Variants in ARSG observed in about 807,000 individuals in gnomAD.
ARSG encodes the protein arylsulfatase G.
ARSG carries 37 observed loss-of-function variants against 50.5 expected under a neutral mutation model. The observed-to-expected ratio is 0.73, with a 90% CI of 0.56 to 0.96. ARSG has a LOEUF of 0.96. ARSG is among the 50% of genes least tolerant of loss of function. ARSG has a pLI of 0.00. For synonymous variants in ARSG, 225 were observed against 254.6 expected (o/e 0.88, Z 1.11); for missense variants, 629 against 675.3 (o/e 0.93, Z 0.76).
chr17:68,424,314 G>A, downstream of ARSG: 1 of 432,318 alleles, frequency 2.3e-6, no homozygotes, highest in Non-Finnish European at 4.7e-6. Flanking sequence ...AGCCGATGTG[G>A]GAAATCACAA....
At chr17:68,386,395 T>C (rs960515466) in intron 9 of ARSG, among the ~76,000 whole-genome samples, 1 of 152,186 alleles carries the variant, frequency 6.6e-6, no homozygotes, top group Non-Finnish European at 1.5e-5. Flanking sequence ...GCAAGCTTCA[T>C]TGGCACCCTC....
At chr17:68,417,539 GC>G (rs948045322) in intron 11 of ARSG, among the ~76,000 whole-genome samples, 2 of 151,802 alleles carry the variant, frequency 1.3e-5, no homozygotes, top group Non-Finnish European at 2.9e-5. Context: ...TCCACACTGA[GC>G]CTCCAGCAAT....
chr17:68,357,904 AACT>A (rs2079105980), intron 6 of ARSG, among the ~76,000 whole-genome samples: 1 of 152,144 alleles, frequency 6.6e-6, no homozygotes, highest in South Asian at 2.1e-4. Flanking sequence ...AAATATTAGA[AACT>A]ACTAATTAAC....
chr17:68,363,757 G>A (rs778186725), intron 6 of ARSG, among the ~76,000 whole-genome samples: 24 of 152,020 alleles, frequency 1.6e-4, no homozygotes, highest in Non-Finnish European at 2.2e-4. Flanking sequence ...GTGAGCCATC[G>A]TGCCTGGCCG....
At chr17:68,386,186 G>T (rs2080716276) in intron 9 of ARSG, among the ~76,000 whole-genome samples, 1 of 152,196 alleles carries the variant, frequency 6.6e-6, no homozygotes, top group African/African-American at 2.4e-5. Context: ...TTATCCTGGG[G>T]ACTTTTCACT....
At chr17:68,450,777 C>T in the ARSG span, 1 of 1,613,708 alleles carries the variant, frequency 6.2e-7, no homozygotes, top group Non-Finnish European at 8.5e-7. Context: ...GCTGTAATTA[C>T]AGATCTCTGT....
the ARSG span, chr17:68,429,950 T>C: frequency 2.5e-5 from 41 of 1,609,264 alleles, no homozygotes; most frequent in Middle Eastern, 1.6e-4. Flanking sequence ...GAAAAATACA[T>C]TGACGAAAGT....
chr17:68,431,733 A>T, the ARSG span, among the ~76,000 whole-genome samples: 1 of 152,300 alleles, frequency 6.6e-6, no homozygotes, highest in African/African-American at 2.4e-5. Flanking sequence ...GGCACGTGTG[A>T]GCCGTAACCG....
chr17:68,350,054 G>T (rs954721292), intron 4 of ARSG, among the ~76,000 whole-genome samples: 1 of 152,186 alleles, frequency 6.6e-6, no homozygotes, highest in African/African-American at 2.4e-5. Context: ...TGAGTGCAGG[G>T]CTGTGGCAGG....
In ARSG at chr17:68,381,787, G is replaced by A. The variant is rs1416546858; in HGVS notation, c.983-3277G>A. Among the ~76,000 whole-genome samples the A allele has an allele frequency of 2.0e-5, 3 of 152,110 alleles. No individual in the cohort carries two copies. The highest frequency in any genetic ancestry group is 2.9e-5 in the Non-Finnish European group (2 of 68,026). ...TGATGTCAGAGCTTCACTGCAGGTCGATTAAATCACAGTCTCTGGGAAAGA... is the reference window on the plus strand; with the variant it reads ...TGATGTCAGAGCTTCACTGCAGGTCAATTAAATCACAGTCTCTGGGAAAGA... On this transcript the variant is annotated intron_variant, in intron 8 of 11. Coordinates refer to ENST00000621439, the MANE Select transcript of ARSG (RefSeq NM_001267727.2). This position sits in a 1 kb window ranked among gnomAD's most constrained non-coding sequence, Gnocchi z 4.1.
At chr17:68,306,908 T>A (rs1555764245) in intron 1 of ARSG, 35 bp from the exon 2 acceptor site, 1 of 152,322 alleles carries the variant, frequency 6.6e-6, no homozygotes, top group Non-Finnish European at 1.5e-5. Context: ...CTGGCAGTTT[T>A]AACTCTGTTT....
At chr17:68,433,780 T>TTTTTG in the ARSG span, among the ~76,000 whole-genome samples, 2 of 126,016 alleles carry the variant, frequency 1.6e-5, no homozygotes, top group African/African-American at 6.4e-5. Context: ...TTTTTTTTTT[T>TTTTTG]TTTTTTTTTT....
chr17:68,268,902 A>C (rs2075237296), intron 1 of ARSG: 4 of 399,282 alleles, frequency 1.0e-5, no homozygotes, highest in South Asian at 7.0e-5. Context: ...AAAAACAAGC[A>C]AAAAAAAAAA....
intron 4 of ARSG, among the ~76,000 whole-genome samples, chr17:68,350,553 AG>A (rs1309771884): frequency 6.6e-6 from 1 of 152,076 alleles, no homozygotes; most frequent in African/African-American, 2.4e-5. Flanking sequence ...TGGGAGGCTG[AG>A]GTGGGTGTAT....
chr17:68,282,604 G>A (rs140739391), intron 1 of ARSG, among the ~76,000 whole-genome samples: 1 of 151,596 alleles, frequency 6.6e-6, no homozygotes, highest in South Asian at 2.1e-4. Flanking sequence ...TTTGAGAACA[G>A]CCTGGGTAAT....
At chr17:68,423,503 A>T (rs1477884168), downstream of ARSG, among the ~76,000 whole-genome samples, 1 of 152,200 alleles carries the variant, frequency 6.6e-6, no homozygotes, top group Non-Finnish European at 1.5e-5. The surrounding 1 kb of genome is among the most constrained non-coding windows in gnomAD (Gnocchi z 4.4). Flanking sequence ...TGACACTCAC[A>T]AGGGTCTAAC....
chr17:68,306,481 A>G (rs993855029), intron 1 of ARSG, among the ~76,000 whole-genome samples: 1 of 152,348 alleles, frequency 6.6e-6, no homozygotes, highest in Admixed American at 6.5e-5. Context: ...GACTTGAGCC[A>G]GGAGTTCAAG....
At position 68,343,633 on chromosome 17, in the gene ARSG, C is replaced by T. The variant is rs749324795; in HGVS notation, c.248C>T (p.Thr83Ile). 2 of 1,613,094 alleles carry T rather than the reference C, an allele frequency of 1.2e-6. No individual in the cohort carries two copies. Among genetic ancestry groups the T allele is most frequent in the Non-Finnish European group, 8.5e-7 (1 of 1,179,382 alleles). Residue 83 changes from threonine (T) to isoleucine (I), a missense_variant, in exon 3 of 12, where the codon ACC becomes ATC. Physicochemically the swap from Thr to Ile is moderately conservative, Grantham distance 89. Coordinates refer to ENST00000621439, the MANE Select transcript of ARSG (RefSeq NM_001267727.2). ...RFVDFHAAASTCSPSRASLLT... is the reference protein window; with the variant it reads ...RFVDFHAAASICSPSRASLLT... ...GTGGATTTCCATGCAGCTGCCTCCA[C>T]CTGCTCACCCTCCCGGGCTTCCTTG...
intron 11 of ARSG, among the ~76,000 whole-genome samples, chr17:68,418,024 C>A (rs1483505991): frequency 6.6e-6 from 1 of 152,006 alleles, no homozygotes; most frequent in Admixed American, 6.5e-5. Context: ...GCCACCACAC[C>A]CGGCTGAGTT....
Sources: gnomAD v4.1 joint callset for allele counts (sites outside exome capture counted in the v4.1 genomes callset) on GRCh38, gnomAD v4.1.1 for gene constraint, Gnocchi (gnomAD v3.1) non-coding constraint, MANE v1.5 for transcripts, NCBI Gene and HGNC (gene_info 2026-07-23, HGNC 2026-07-21) for gene names.